Variants in PTPRB observed in about 807,000 individuals in gnomAD.
The protein encoded by PTPRB is protein tyrosine phosphatase receptor type B, also known as receptor-type tyrosine-protein phosphatase beta.
PTPRB carries 97 observed loss-of-function variants against 238.1 expected under a neutral mutation model. That is an observed-to-expected ratio of 0.41 (90% confidence interval 0.35 to 0.48). PTPRB has a LOEUF of 0.48. PTPRB is among the 20% of genes least tolerant of loss of function. The pLI, the probability that PTPRB is intolerant of heterozygous loss-of-function variation, is 0.30. For synonymous variants in PTPRB, 970 were observed against 995.4 expected, an observed-to-expected ratio of 0.97 and a Z score of 0.48; for missense variants, 2,292 against 2,681.9, an observed-to-expected ratio of 0.85 and a Z score of 3.21.
chr12:70,589,971 G>C lies in PTPRB; in HGVS notation c.2043C>G (p.Gly681=). The C allele has an allele frequency of 6.2e-7, 1 of 1,613,402 alleles. No individual in the cohort carries two copies. Among genetic ancestry groups the C allele is most frequent in the South Asian group, 1.1e-5 (1 of 91,036 alleles). Reference sequence around the variant, plus strand: ...ATCTTCATATTTGCCTACCTGTCCTGCCTTGGCAACGCTCAGAATTCTTCA... The same window carrying C: ...ATCTTCATATTTGCCTACCTGTCCTCCCTTGGCAACGCTCAGAATTCTTCA... The part of the protein sequence containing the change: ...GNLKNSERCQ[G]RTVPLAVLQL... The change falls in exon 8 of 34, where the codon GGC becomes GGG. Residue 681 remains glycine, a synonymous_variant. Transcript: ENST00000334414.
chr12:70,574,928 T>C (rs1377916541), intron 11 of PTPRB, among the ~76,000 whole-genome samples: 1 of 152,212 alleles, frequency 6.6e-6, no homozygotes, highest in Non-Finnish European at 1.5e-5. Context: ...TCATCATGAA[T>C]TGACATTGGT....
At position 70,594,667 on chromosome 12, in the gene PTPRB, G is replaced by A; in HGVS notation, c.1316C>T (p.Ser439Phe). ...ISTKANSLLI[S>F]WSHGSGNVER... is the part of the protein sequence containing the mutation. ...CACATTCCCAGAACCATGGGACCAG[G>A]AAATCAGGAGAGAATTGGCTTTTGT... Residue 439 changes from serine to phenylalanine, a missense_variant, in exon 6 of 34, where the codon TCC becomes TTC. Physicochemically the swap from Ser to Phe is radical, Grantham distance 155. Around this residue, in one of 4 missense-constraint regions of PTPRB, gnomAD observed 1,205 missense variants for 1,287.8 expected, o/e 0.94. Coordinates refer to ENST00000334414, the MANE Select transcript of PTPRB (RefSeq NM_001109754.4). 1.2e-6 allele frequency: 2 copies of A among 1,614,000 alleles called. No individual in the cohort carries two copies. The highest frequency in any genetic ancestry group is 1.7e-6 in the Non-Finnish European group (2 of 1,179,876).
intron 6 of PTPRB, among the ~76,000 whole-genome samples, chr12:70,592,831 C>A (rs1370905506): frequency 6.6e-6 from 1 of 152,200 alleles, no homozygotes; most frequent in Non-Finnish European, 1.5e-5. Context: ...TCAGACTGGG[C>A]CATTAGTCAG....
In PTPRB at chr12:70,609,146, T is replaced by C. The variant is rs770305053; in HGVS notation, c.902A>G (p.Gln301Arg). The C allele has an allele frequency of 1.2e-6, 2 of 1,613,998 alleles. No individual in the cohort carries two copies. Among genetic ancestry groups the C allele is most frequent in the Non-Finnish European group, 8.5e-7 (1 of 1,179,886 alleles). The change falls in exon 4 of 34, where the codon CAA (glutamine) becomes CGA (arginine). Residue 301 changes from glutamine (Q) to arginine (R), a missense_variant. Gln to Arg is a conservative substitution (Grantham distance 43, BLOSUM62 1). Around this residue, in one of 4 missense-constraint regions of PTPRB, gnomAD observed 1,205 missense variants for 1,287.8 expected, o/e 0.94. Transcript: ENST00000334414. The part of the protein sequence containing the change: ...IDNTTYGCNL[Q>R]DLQAGTIYNF... ...ATAGATGGTTCCTGCTTGTAAATCT[T>C]GAAGGTTACATCCGTATGTGGTGTT... is the stretch of plus-strand genomic sequence containing the variant.
chr12:70,559,061 A>G (rs1340843113), intron 18 of PTPRB: 8 of 574,324 alleles, frequency 1.4e-5, no homozygotes, highest in Non-Finnish European at 2.2e-5. Flanking sequence ...AAGTGTCTCC[A>G]TAGTACCATT....
At chr12:70,578,403 T>A (rs1225494116) in intron 10 of PTPRB, among the ~76,000 whole-genome samples, 1 of 149,888 alleles carries the variant, frequency 6.7e-6, no homozygotes, top group African/African-American at 2.5e-5. Flanking sequence ...CCTTTCAAAA[T>A]CCCTATTATT....
At chr12:70,553,444 C>A (rs1007465016) in intron 20 of PTPRB, among the ~76,000 whole-genome samples, 25 of 152,172 alleles carry the variant, frequency 1.6e-4, no homozygotes, top group Non-Finnish European at 1.5e-4. Context: ...TAAGAGAAAT[C>A]ATGTCCTAGG....
chr12:70,591,968 C>A, intron 7 of PTPRB: 1 of 346,632 alleles, frequency 2.9e-6, no homozygotes, highest in Non-Finnish European at 5.3e-6. Flanking sequence ...TGGTTAAATG[C>A]TAACTGGTTC....
intron 18 of PTPRB, among the ~76,000 whole-genome samples, chr12:70,558,018 A>AGCTG (rs1467403252): frequency 1.5e-4 from 23 of 152,200 alleles, no homozygotes; most frequent in Admixed American, 1.2e-3. Flanking sequence ...CAACTACTGC[A>AGCTG]GCTGGCTGTG....
In PTPRB at chr12:70,569,735, T is replaced by C; in HGVS notation, c.3574A>G (p.Ile1192Val). ...GACCCGCTGACTGAGGCAATCATGA[T>C]CTGGTACTGCTCCCCGGCCTCCAGT... ...HRLEAGEQYQIMIASVSGSLK... is the reference protein window; with the variant it reads ...HRLEAGEQYQVMIASVSGSLK... Residue 1192 changes from isoleucine (I) to valine (V), a missense_variant, in exon 14 of 34, where the codon ATC becomes GTC. Around this residue, in one of 4 missense-constraint regions of PTPRB, gnomAD observed 683 missense variants for 862.0 expected, o/e 0.79. Transcript: ENST00000334414. 1 of 1,613,942 alleles carries C rather than the reference T, an allele frequency of 6.2e-7. No individual in the cohort carries two copies. The highest frequency in any genetic ancestry group is 1.3e-5 in the African/African-American group (1 of 75,032).
chr12:70,524,939 GTATATATATGTGTA>G (rs1872186594), intron 32 of PTPRB, among the ~76,000 whole-genome samples: 1 of 148,202 alleles, frequency 6.7e-6, no homozygotes, highest in South Asian at 2.1e-4. Context: ...GTATATGTAT[GTATATATATGTGTA>G]TATATGTATG....
At chr12:70,536,453 G>T (rs1202029124) in intron 28 of PTPRB, among the ~76,000 whole-genome samples, 1 of 152,120 alleles carries the variant, frequency 6.6e-6, no homozygotes, top group Non-Finnish European at 1.5e-5. Context: ...TGTGTTGGGG[G>T]GTATTTGTGT....
At chr12:70,625,763 T>C (rs1343276898) in intron 2 of PTPRB, among the ~76,000 whole-genome samples, 1 of 152,190 alleles carries the variant, frequency 6.6e-6, no homozygotes, top group Non-Finnish European at 1.5e-5. Context: ...AAAGCTATTT[T>C]TGAAAGCTTT....
chr12:70,567,163 T>A (rs1180284412), intron 14 of PTPRB, among the ~76,000 whole-genome samples: 2 of 152,180 alleles, frequency 1.3e-5, no homozygotes, highest in African/African-American at 4.8e-5. Flanking sequence ...GTTCTATAGC[T>A]CCTGAGGTGA....
chr12:70,550,248 G>T (rs1876682374), intron 21 of PTPRB, among the ~76,000 whole-genome samples: 1 of 152,192 alleles, frequency 6.6e-6, no homozygotes, highest in African/African-American at 2.4e-5. Flanking sequence ...GATAAGAGCG[G>T]AACGCATCTG....
intron 31 of PTPRB, among the ~76,000 whole-genome samples, chr12:70,532,880 A>C (rs1191861525): frequency 6.6e-6 from 1 of 152,116 alleles, no homozygotes; most frequent in Non-Finnish European, 1.5e-5. Context: ...TCCTGGCCTC[A>C]AGTGATCCTT....
At chr12:70,637,211 T>C (rs11178339) in intron 1 of PTPRB, 130 bp downstream of exon 1, 11,620 of 753,160 alleles carry the variant, frequency 0.015, 500 homozygotes, top group East Asian at 0.14. Context: ...ATTCCTGCTT[T>C]TCATCGTCTT....
In PTPRB at chr12:70,518,140, A is replaced by T. The variant is rs1247144335; in HGVS notation, c.*3349T>A. The T allele has an allele frequency of 6.6e-6, 1 of 152,158 alleles. No individual in the cohort carries two copies. Among genetic ancestry groups the T allele is most frequent in the Non-Finnish European group, 1.5e-5 (1 of 68,042 alleles). 9.4% of individuals were successfully genotyped at this position (152,158 alleles called of 1,614,324 possible). A position where few individuals can be genotyped will look rare whatever the true frequency, so the allele number is the denominator to read the frequency against. ...GTGTGCTGTGTGCCTTTTAGTATTT[A>T]AAAGTGAATTGGCCAGGTGCGGTGG... is the stretch of plus-strand genomic sequence containing the variant. On this transcript the variant is annotated 3_prime_UTR_variant, in exon 34 of 34. Transcript: ENST00000334414.
intron 27 of PTPRB, chr12:70,538,492 G>T: frequency 2.1e-6 from 1 of 473,302 alleles, no homozygotes; most frequent in Non-Finnish European, 3.7e-6. Flanking sequence ...CTGATGGAGT[G>T]GCCAGCTCCC....
Sources: gnomAD v4.1 joint callset for allele counts (sites outside exome capture counted in the v4.1 genomes callset) on GRCh38, gnomAD v4.1.1 for gene constraint, gnomAD v4.1.1 regional missense constraint, MANE v1.5 for transcripts, NCBI Gene and HGNC (gene_info 2026-07-23, HGNC 2026-07-21) for gene names.